TMEM120B: variants seen among roughly 807,000 people sequenced by gnomAD.
The protein encoded by TMEM120B is transmembrane protein 120B.
Under a neutral mutation model 55.5 loss-of-function variants are expected in TMEM120B, and 31 were observed. That is an observed-to-expected ratio of 0.56 (90% CI 0.42 to 0.75). TMEM120B has a LOEUF of 0.75. TMEM120B is among the 30% of genes least tolerant of loss of function. The pLI is 0.00. For synonymous variants in TMEM120B, 203 were observed against 176.3 expected, an observed-to-expected ratio of 1.15 and a Z score of -1.20; for missense variants, 399 against 425.5, an observed-to-expected ratio of 0.94 and a Z score of 0.55.
At chr12:121,744,052 CTTTTTTT>C (rs535863726) in intron 2 of TMEM120B, among the ~76,000 whole-genome samples, 1 of 138,038 alleles carries the variant, frequency 7.2e-6, no homozygotes, top group Non-Finnish European at 1.6e-5. Context: ...GAGTGTCTCT[CTTTTTTT>C]TTTTTTTTTT....
intron 1 of TMEM120B, among the ~76,000 whole-genome samples, chr12:121,723,758 T>C (rs1894839409): frequency 6.6e-6 from 1 of 152,120 alleles, no homozygotes; most frequent in Non-Finnish European, 1.5e-5. Context: ...GAATACCATG[T>C]AGGAGGGATC....
chr12:121,781,229 C>T lies in TMEM120B; in HGVS notation c.*5507C>T. 4.4e-6 allele frequency: 7 copies of T among 1,588,134 alleles called. No individual in the cohort carries two copies. The highest frequency in any genetic ancestry group is 6.0e-6 in the Non-Finnish European group (7 of 1,157,536). The stretch of plus-strand genomic sequence containing the variant: ...GAGCAGCGGGGGTCAGGGGACGTCC[C>T]CTCCCTGTCTGGACTCTGACGGGTG... On this transcript the variant is annotated 3_prime_UTR_variant, in exon 12 of 12. Coordinates refer to ENST00000449592, the MANE Select transcript of TMEM120B (RefSeq NM_001080825.2).
At chr12:121,714,565 T>TC (rs1269004801) in intron 1 of TMEM120B, among the ~76,000 whole-genome samples, 2 of 146,210 alleles carry the variant, frequency 1.4e-5, no homozygotes, top group East Asian at 4.0e-4. Context: ...TTCTTTTTTT[T>TC]TTTTTTTTTT....
At chr12:121,761,171 G>A (rs1873664824) in intron 5 of TMEM120B, among the ~76,000 whole-genome samples, 1 of 152,066 alleles carries the variant, frequency 6.6e-6, no homozygotes, top group South Asian at 2.1e-4. Context: ...TAGAGATGGA[G>A]TTTCACCATA....
intron 6 of TMEM120B, among the ~76,000 whole-genome samples, chr12:121,769,816 A>T (rs1015041981): frequency 6.6e-6 from 1 of 152,064 alleles, no homozygotes; most frequent in Non-Finnish European, 1.5e-5. Context: ...AACAATAGAG[A>T]CAAGACCCCT....
At position 121,752,930 on chromosome 12, in the gene TMEM120B, A is replaced by G. The variant is rs144120363; in HGVS notation, c.461+707A>G. 5.3e-5 allele frequency among the ~76,000 whole-genome samples: 8 copies of G among 152,032 alleles called. No homozygotes were observed. In the East Asian group the frequency reaches 1.6e-3, roughly 30 times the overall value. ...TCCTGGGTAACACAGCAAGACCCCC[A>G]TCTCTACAAAGATAAAAAATAAAAT... is the stretch of plus-strand genomic sequence containing the variant. On this transcript the variant is annotated intron_variant, in intron 5 of 11. Transcript: ENST00000449592.
intron 6 of TMEM120B, among the ~76,000 whole-genome samples, chr12:121,766,141 T>G (rs1276452661): frequency 6.6e-6 from 1 of 152,056 alleles, no homozygotes; most frequent in Non-Finnish European, 1.5e-5. Context: ...GAGGCGCTTT[T>G]GTCCAGTTCT....
chr12:121,750,257 C>A, intron 3 of TMEM120B, 123 bp from the exon 4 acceptor site: 1 of 913,014 alleles, frequency 1.1e-6, no homozygotes, highest in Non-Finnish European at 1.8e-6. Flanking sequence ...GCCCGCTGAG[C>A]TTAGGCCCCC....
intron 1 of TMEM120B, among the ~76,000 whole-genome samples, chr12:121,738,687 G>A (rs1057387700): frequency 9.2e-5 from 14 of 152,140 alleles, no homozygotes; most frequent in Non-Finnish European, 1.9e-4. Flanking sequence ...GCTACATAGC[G>A]CAGAAACTGG....
At chr12:121,763,157 CTTTTT>C (rs35941086) in intron 6 of TMEM120B, among the ~76,000 whole-genome samples, 1 of 88,090 alleles carries the variant, frequency 1.1e-5, no homozygotes, top group Non-Finnish European at 2.3e-5. Context: ...CTCGGCATGC[CTTTTT>C]TTTTTTTTTT....
Position 121,776,120 on chromosome 12 carries a change from G to C in TMEM120B, c.*398G>C, listed in dbSNP as rs1874238295. On this transcript the variant is annotated 3_prime_UTR_variant, in exon 12 of 12. Coordinates refer to ENST00000449592, the MANE Select transcript of TMEM120B (RefSeq NM_001080825.2). ...ATTTATGCTGACCTGCTACTTACCA[G>C]GCCCAGGCTGGGGTGGTGTGAACCC... is the stretch of plus-strand genomic sequence containing the variant. The C allele has an allele frequency of 2.2e-6, 1 of 460,126 alleles. No homozygotes were observed. Among genetic ancestry groups the C allele is most frequent in the Non-Finnish European group, 3.8e-6 (1 of 261,764 alleles). 28.5% of individuals were successfully genotyped at this position (460,126 alleles called of 1,614,324 possible).
intron 1 of TMEM120B, among the ~76,000 whole-genome samples, chr12:121,731,912 G>A (rs1048182063): frequency 6.6e-6 from 1 of 152,194 alleles, no homozygotes; most frequent in South Asian, 2.1e-4. Flanking sequence ...CGAGGCAGGC[G>A]GATCACCTGA....
chr12:121,757,152 G>A (rs996777257), intron 5 of TMEM120B, among the ~76,000 whole-genome samples: 2 of 135,892 alleles, frequency 1.5e-5, no homozygotes, highest in Non-Finnish European at 3.2e-5. Flanking sequence ...GGGGGGGGGG[G>A]TGTCACTTAT....
chr12:121,731,669 C>T (rs1006780798), intron 1 of TMEM120B, among the ~76,000 whole-genome samples: 1 of 152,194 alleles, frequency 6.6e-6, no homozygotes. Flanking sequence ...ATGACGGCAT[C>T]GCCTAATAAT....
intron 3 of TMEM120B, 129 bp from the exon 4 acceptor site, chr12:121,750,251 G>T (rs1170799871): frequency 3.6e-6 from 3 of 842,866 alleles, no homozygotes; most frequent in Non-Finnish European, 4.0e-6. Flanking sequence ...CCATTTGCCC[G>T]CTGAGCTTAG....
In TMEM120B at chr12:121,775,588, C is replaced by T. The variant is rs1439871757; in HGVS notation, c.907-21C>T. ...GCAGGGCAGATGCCCCAGCCTCGCCCTCCTCTCTGGACTCCCCCAGGTGTT... is the reference window on the plus strand; with the variant it reads ...GCAGGGCAGATGCCCCAGCCTCGCCTTCCTCTCTGGACTCCCCCAGGTGTT... On this transcript the variant is annotated intron_variant, in intron 11 of 11. Coordinates refer to ENST00000449592, the MANE Select transcript of TMEM120B (RefSeq NM_001080825.2). The surrounding 1 kb of genome is among the most constrained non-coding windows in gnomAD (Gnocchi z 4.3). The T allele has an allele frequency of 5.6e-6, 9 of 1,605,850 alleles. No individual in the cohort carries two copies. Among genetic ancestry groups the T allele is most frequent in the Non-Finnish European group, 7.7e-6 (9 of 1,174,454 alleles).
chr12:121,774,303 A>C (rs888803673), intron 9 of TMEM120B, among the ~76,000 whole-genome samples: 1 of 152,086 alleles, frequency 6.6e-6, no homozygotes, highest in East Asian at 1.9e-4. Flanking sequence ...TTACTCTCCT[A>C]AGTAGGTCCT....
intron 6 of TMEM120B, among the ~76,000 whole-genome samples, chr12:121,762,235 T>A (rs1873702130): frequency 6.7e-6 from 1 of 149,738 alleles, no homozygotes; most frequent in South Asian, 2.1e-4. Context: ...ATCGCACCAT[T>A]GCACTCCAGC....
Position 121,779,829 on chromosome 12 carries a change from G to A in TMEM120B, c.*4107G>A. 2 of 701,036 alleles carry A rather than the reference G, an allele frequency of 2.9e-6. No homozygotes were observed. Among genetic ancestry groups the A allele is most frequent in the Non-Finnish European group, 4.7e-6 (2 of 425,952 alleles). The allele number at this position is 701,036 out of a possible 1,614,324, so 43.4% of individuals were successfully genotyped here. A position where few individuals can be genotyped will look rare whatever the true frequency, so the allele number is the denominator to read the frequency against. On this transcript the variant is annotated 3_prime_UTR_variant, in exon 12 of 12. Transcript: ENST00000449592. ...GCCCCTCACAGTGTGTGGGTGGAATGGAGGGCCAGGGCAGTGCAGCCCGCA... is the reference window on the plus strand; with the variant it reads ...GCCCCTCACAGTGTGTGGGTGGAATAGAGGGCCAGGGCAGTGCAGCCCGCA...
Sources: gnomAD v4.1 joint callset for allele counts (sites outside exome capture counted in the v4.1 genomes callset) on GRCh38, gnomAD v4.1.1 for gene constraint, Gnocchi (gnomAD v3.1) non-coding constraint, MANE v1.5 for transcripts, NCBI Gene and HGNC (gene_info 2026-07-23, HGNC 2026-07-21) for gene names.